The following TMEM178B variants were observed in gnomAD, a reference collection of about 807,000 sequenced individuals.
The protein encoded by TMEM178B is transmembrane protein 178B.
A neutral mutation model predicts 31.0 loss-of-function variants in TMEM178B; 5 were observed. That is an observed-to-expected ratio of 0.16 (90% CI 0.08 to 0.34). The LOEUF is 0.34. Among genes scored for constraint, TMEM178B ranks in the 10% least tolerant of loss-of-function variants. The pLI is 1.00. For missense variants in TMEM178B, 275 were observed against 400.3 expected (o/e 0.69, Z 2.67); for synonymous variants, 164 against 164.0 (o/e 1.00, Z 0.00).
the TMEM178B span, among the ~76,000 whole-genome samples, chr7:141,510,703 A>AG: frequency 2.1e-5 from 3 of 143,170 alleles, no homozygotes; most frequent in South Asian, 2.1e-4. Context: ...AAAAAAAAAA[A>AG]AAAAAAAAAG....
At chr7:141,450,121 A>T (rs557192157) in intron 3 of TMEM178B, among the ~76,000 whole-genome samples, 44 of 152,172 alleles carry the variant, frequency 2.9e-4, no homozygotes, top group Non-Finnish European at 5.4e-4. Context: ...CTGATTTCAA[A>T]CATAGTTTCC....
chr7:141,319,737 C>A (rs1240957488), intron 2 of TMEM178B, among the ~76,000 whole-genome samples: 1 of 152,140 alleles, frequency 6.6e-6, no homozygotes, highest in Non-Finnish European at 1.5e-5. Flanking sequence ...GGGGTTTCAC[C>A]ATGTTGGCCA....
At chr7:141,244,399 G>A (rs1464499495) in intron 2 of TMEM178B, among the ~76,000 whole-genome samples, 1 of 152,206 alleles carries the variant, frequency 6.6e-6, no homozygotes, top group African/African-American at 2.4e-5. Flanking sequence ...AGCTATGACT[G>A]GGATAACTGG....
chr7:141,457,204 A>T (rs1801980880), intron 3 of TMEM178B, among the ~76,000 whole-genome samples: 1 of 152,164 alleles, frequency 6.6e-6, no homozygotes, highest in African/African-American at 2.4e-5. Context: ...TGGTTCTCAG[A>T]TGTTTCTGCA....
intron 3 of TMEM178B, among the ~76,000 whole-genome samples, chr7:141,442,194 A>G (rs1801673184): frequency 6.6e-6 from 1 of 152,116 alleles, no homozygotes; most frequent in African/African-American, 2.4e-5. Flanking sequence ...ATAAACATCA[A>G]CGTATGCCCT....
At chr7:141,395,523 A>G (rs1800621968) in intron 2 of TMEM178B, among the ~76,000 whole-genome samples, 2 of 152,154 alleles carry the variant, frequency 1.3e-5, no homozygotes, top group Non-Finnish European at 2.9e-5. Context: ...GGATCTCCTC[A>G]GAAGCTCAGA....
At chr7:141,090,966 C>T (rs1194564275) in intron 1 of TMEM178B, among the ~76,000 whole-genome samples, 1 of 152,172 alleles carries the variant, frequency 6.6e-6, no homozygotes, top group Non-Finnish European at 1.5e-5. Flanking sequence ...CCCATTGCCA[C>T]CTAACTCAGA....
In TMEM178B at chr7:141,473,734, T is replaced by C. The variant is rs1429383150; in HGVS notation, c.*2948T>C. ...AGGACCAGATAAATACGAACACACT[T>C]TGGGATCTGATCCTGCTGGGAAGCA... On this transcript the variant is annotated 3_prime_UTR_variant, in exon 4 of 4. Coordinates refer to ENST00000565468, the MANE Select transcript of TMEM178B (RefSeq NM_001195278.2). The C allele has an allele frequency of 6.6e-6, 1 of 152,182 alleles. No individual in the cohort carries two copies. Among genetic ancestry groups the C allele is most frequent in the Non-Finnish European group, 1.5e-5 (1 of 68,040 alleles). The allele number at this position is 152,182 out of a possible 1,614,324, so 9.4% of individuals were successfully genotyped here.
intron 2 of TMEM178B, among the ~76,000 whole-genome samples, chr7:141,410,602 A>G (rs1474032135): frequency 6.7e-6 from 1 of 150,314 alleles, no homozygotes; most frequent in Non-Finnish European, 1.5e-5. Context: ...TAATCCACCT[A>G]CATCCTCTGG....
chr7:141,224,265 G>A (rs1411146365), intron 2 of TMEM178B, among the ~76,000 whole-genome samples: 1 of 152,152 alleles, frequency 6.6e-6, no homozygotes, highest in African/African-American at 2.4e-5. Context: ...TCAGCAGAGT[G>A]AAAACAGACT....
At chr7:141,418,698 C>G (rs1457996639) in intron 2 of TMEM178B, among the ~76,000 whole-genome samples, 1 of 152,122 alleles carries the variant, frequency 6.6e-6, no homozygotes, top group Non-Finnish European at 1.5e-5. Context: ...ACTTTATGTT[C>G]CATCTCTCGA....
At chr7:141,130,890 A>G (rs1795583519) in intron 1 of TMEM178B, among the ~76,000 whole-genome samples, 1 of 152,354 alleles carries the variant, frequency 6.6e-6, no homozygotes, top group African/African-American at 2.4e-5. Flanking sequence ...TGGCCTTTTA[A>G]GTACAAACTG....
chr7:141,453,406 A>T (rs1263808646), intron 3 of TMEM178B, among the ~76,000 whole-genome samples: 1 of 152,238 alleles, frequency 6.6e-6, no homozygotes, highest in Non-Finnish European at 1.5e-5. Context: ...AAACAACTCT[A>T]TCACACTCTT....
At chr7:141,507,671 C>T in the TMEM178B span, among the ~76,000 whole-genome samples, 1 of 152,168 alleles carries the variant, frequency 6.6e-6, no homozygotes, top group Non-Finnish European at 1.5e-5. Flanking sequence ...GCGCCTGGCC[C>T]AAATCTCAAT....
At chr7:141,130,940 T>G (rs1319466887) in intron 1 of TMEM178B, among the ~76,000 whole-genome samples, 1 of 152,204 alleles carries the variant, frequency 6.6e-6, no homozygotes, top group Non-Finnish European at 1.5e-5. Flanking sequence ...TGTAATTAAC[T>G]TTTTTGTTTA....
At chr7:141,133,366 G>A (rs562878843) in intron 1 of TMEM178B, among the ~76,000 whole-genome samples, 1 of 151,980 alleles carries the variant, frequency 6.6e-6, no homozygotes, top group Non-Finnish European at 1.5e-5. Flanking sequence ...ATCTGAGTGA[G>A]AAATTCAACA....
chr7:141,074,106 G>A lies in TMEM178B; in HGVS notation c.-205G>A, dbSNP rs537762697. 803 of 660,856 alleles carry A rather than the reference G, an allele frequency of 1.2e-3. 2 individuals are homozygous for A. The highest frequency in any genetic ancestry group is 1.9e-3 in the Admixed American group (47 of 24,836). 40.9% of individuals were successfully genotyped at this position (660,856 alleles called of 1,614,324 possible). ...CCCAGGAGCCCGCGGGAGCCTCTCC[G>A]GATCAGAACTTTTTAGGCCGCCCGC... is the stretch of plus-strand genomic sequence containing the variant. On this transcript the variant is annotated 5_prime_UTR_variant, in exon 1 of 4. Transcript: ENST00000565468. This position sits in a 1 kb window ranked among gnomAD's most constrained non-coding sequence, Gnocchi z 5.1.
At chr7:141,259,464 T>G (rs1053286457) in intron 2 of TMEM178B, among the ~76,000 whole-genome samples, 2 of 152,228 alleles carry the variant, frequency 1.3e-5, no homozygotes, top group African/African-American at 4.8e-5. Flanking sequence ...TGCTTCTTTT[T>G]CGCCTTGAGT....
the TMEM178B span, among the ~76,000 whole-genome samples, chr7:141,507,710 A>G: frequency 1.3e-5 from 2 of 152,172 alleles, no homozygotes; most frequent in African/African-American, 4.8e-5. Context: ...CACAGGCTCA[A>G]CACCACATGG....
Sources: allele counts gnomAD v4.1 joint callset (sites outside exome capture counted in the v4.1 genomes callset), GRCh38; gene constraint gnomAD v4.1.1; non-coding constraint Gnocchi (gnomAD v3.1); transcripts MANE v1.5; gene names NCBI Gene and HGNC (gene_info 2026-07-23, HGNC 2026-07-21).